The following PLCH2 variants were observed in gnomAD, a reference collection of about 807,000 sequenced individuals.
PLCH2 encodes the protein phospholipase C eta 2, also known as 1-phosphatidylinositol 4,5-bisphosphate phosphodiesterase eta-2.
PLCH2 carries 98 observed loss-of-function variants against 134.7 expected under a neutral mutation model. The observed-to-expected ratio is 0.73, with a 90% CI of 0.62 to 0.86. The LOEUF is 0.86. Among genes scored for constraint, PLCH2 ranks in the 40% least tolerant of loss-of-function variants. The probability of loss-of-function intolerance (pLI) is 0.00; values close to 1 mark genes in which losing one functional copy is unlikely to be tolerated. For missense variants in PLCH2, 1,994 were observed against 1,986.6 expected, an observed-to-expected ratio of 1.00 and a Z score of -0.07; for synonymous variants, 974 against 827.5, an observed-to-expected ratio of 1.18 and a Z score of -3.04.
rs201561898 is a variant in PLCH2, at chr1:2,489,768, G to A, written c.1416G>A (p.Lys472=). 420 of 1,613,184 alleles carry A rather than the reference G, an allele frequency of 2.6e-4. No individual in the cohort carries two copies. The highest frequency in any genetic ancestry group is 3.3e-4 in the Non-Finnish European group (393 of 1,179,352). The change falls in exon 10 of 22, where the codon AAG becomes AAA. Residue 472 remains lysine (K), a synonymous_variant. Coordinates refer to ENST00000378486, the MANE Select transcript of PLCH2 (RefSeq NM_014638.4). ...LKGKILVKGK[K]LPANISEDAE... is the part of the protein sequence containing the mutation. The stretch of plus-strand genomic sequence containing the variant: ...TGCACCTCCTCCCCCAGGGGAAGAA[G>A]CTCCCAGCCAACATCAGCGAGGATG...
chr1:2,421,264 T>A (rs567965363), upstream of PLCH2, among the ~76,000 whole-genome samples: 2 of 152,230 alleles, frequency 1.3e-5, no homozygotes, highest in African/African-American at 4.8e-5. Context: ...TTAGCAGCTG[T>A]TGAGAAGCCC....
intron 21 of PLCH2, 173 bp downstream of exon 21, chr1:2,502,582 G>A: frequency 2.6e-6 from 2 of 759,282 alleles, no homozygotes; most frequent in Non-Finnish European, 2.3e-6. Flanking sequence ...CCAGCCCGGG[G>A]CCTGCAAGCA....
chr1:2,479,755 A>C lies in PLCH2; in HGVS notation c.293A>C (p.Glu98Ala). ...GCAGTCTCCATCGACTCCATCCAGG[A>C]GGTGAGTGAGGGGCGGCAGTCGGAG... The part of the protein sequence containing the change: ...KAKISIDSIQ[E>A]VSEGRQSEVF... Residue 98 changes from glutamate (E) to alanine (A), a missense_variant, in exon 3 of 22, where the codon GAG becomes GCG. By Grantham distance (107) the Glu-to-Ala change is moderately radical (BLOSUM62 -1). Coordinates refer to ENST00000378486, the MANE Select transcript of PLCH2 (RefSeq NM_014638.4). 1 of 1,547,582 alleles carries C rather than the reference A, an allele frequency of 6.5e-7. No homozygotes were observed.
Position 2,499,668 on chromosome 1 carries a change from T to A in PLCH2, c.2609T>A (p.Met870Lys), listed in dbSNP as rs755082870. The change falls in exon 20 of 22, where the codon ATG (methionine) becomes AAG (lysine). Residue 870 changes from methionine (M) to lysine (K), a missense_variant. By Grantham distance (95) the Met-to-Lys change is moderately conservative (BLOSUM62 -1). This residue lies in a region of PLCH2 where 1,094 missense variants were observed against 1,234.3 expected (regional missense o/e 0.89). Transcript: ENST00000378486. ...PGYRHVYLEG[M>K]EEASIFVHVA... The stretch of plus-strand genomic sequence containing the variant: ...TACAGACACGTGTACCTAGAAGGGA[T>A]GGAAGAGGCCTCCATCTTCGTGCAT... 6.2e-7 allele frequency: 1 copy of A among 1,602,172 alleles called. No homozygotes were observed. The highest frequency in any genetic ancestry group is 2.3e-5 in the East Asian group (1 of 44,400).
intron 11 of PLCH2, chr1:2,493,482 A>C (rs1213025365): frequency 2.6e-5 from 4 of 152,212 alleles, no homozygotes; most frequent in Admixed American, 2.6e-4. Context: ...GACCTGGACA[A>C]CCTGGGAGCC....
upstream of PLCH2, chr1:2,467,425 C>A (rs34349643): frequency 1.3e-5 from 5 of 378,236 alleles, no homozygotes; most frequent in African/African-American, 4.7e-5. Flanking sequence ...GCGGCGGCCC[C>A]GTCCCGCCTT....
In PLCH2 at chr1:2,439,971, C is replaced by A. The variant is rs966862417; in HGVS notation, c.115+9342C>A. 3.3e-5 allele frequency among the ~76,000 whole-genome samples: 5 copies of A among 152,028 alleles called. No individual in the cohort carries two copies. Among genetic ancestry groups the A allele is most frequent in the African/African-American group, 1.2e-4 (5 of 41,396 alleles). On this transcript the variant is annotated intron_variant, in intron 2 of 3. Transcript: ENST00000609981. The surrounding 1 kb of genome is among the most constrained non-coding windows in gnomAD (Gnocchi z 4.7). ...GGGACAAGGCAACCAGGGAGGCTTC[C>A]CAGAGGAGGTGCCTCGTTCCTGACC...
In PLCH2 at chr1:2,490,680, C is replaced by T. The variant is rs561460325; in HGVS notation, c.1516-512C>T. ...GCGGCACACGCCTCTGTGTGGCCCA[C>T]GTGATGGCAAAGGCAGCTCCACGGT... is the stretch of plus-strand genomic sequence containing the variant. On this transcript the variant is annotated intron_variant, in intron 10 of 21. Coordinates refer to ENST00000378486, the MANE Select transcript of PLCH2 (RefSeq NM_014638.4). Among the ~76,000 whole-genome samples the T allele has an allele frequency of 3.9e-5, 6 of 152,380 alleles. No homozygotes were observed. In the South Asian group the frequency reaches 8.3e-4, roughly 21 times the overall value.
At chr1:2,458,980 C>T (rs1323445647) in intron 2 of PLCH2, among the ~76,000 whole-genome samples, 1 of 152,264 alleles carries the variant, frequency 6.6e-6, no homozygotes, top group African/African-American at 2.4e-5. Context: ...GCCGGTCTTG[C>T]AGCGTGGCTG....
In PLCH2 at chr1:2,489,776, C is replaced by G; in HGVS notation, c.1424C>G (p.Ala475Gly). Residue 475 changes from alanine (A) to glycine (G), a missense_variant, in exon 10 of 22, where the codon GCC (alanine) becomes GGC (glycine). This residue lies in a region of PLCH2 where 1,094 missense variants were observed against 1,234.3 expected (regional missense o/e 0.89). Coordinates refer to ENST00000378486, the MANE Select transcript of PLCH2 (RefSeq NM_014638.4). ...KILVKGKKLP[A>G]NISEDAEEGE... ...CTCCCCCAGGGGAAGAAGCTCCCAG[C>G]CAACATCAGCGAGGATGCGGAGGAA... is the stretch of plus-strand genomic sequence containing the variant. 2 of 1,613,524 alleles carry G rather than the reference C, an allele frequency of 1.2e-6. No homozygotes were observed. The highest frequency in any genetic ancestry group is 1.7e-6 in the Non-Finnish European group (2 of 1,179,660).
chr1:2,416,964 A>G, the PLCH2 span, among the ~76,000 whole-genome samples: 2 of 152,094 alleles, frequency 1.3e-5, no homozygotes, highest in Admixed American at 1.3e-4. Context: ...GGCTGCTCTT[A>G]GGACCTTGAG....
chr1:2,479,717 C>T lies in PLCH2; in HGVS notation c.272-17C>T, dbSNP rs979815604. On this transcript the variant is annotated splice_polypyrimidine_tract_variant and intron_variant, in intron 2 of 21. Coordinates refer to ENST00000378486, the MANE Select transcript of PLCH2 (RefSeq NM_014638.4). ...GGCCCCCGGGGACCTGACCCGTGCTCCCTCCCCACCCCGCAGTCTCCATCG... is the reference window on the plus strand; with the variant it reads ...GGCCCCCGGGGACCTGACCCGTGCTTCCTCCCCACCCCGCAGTCTCCATCG... The T allele has an allele frequency of 3.5e-5, 53 of 1,526,590 alleles. No individual in the cohort carries two copies. The East Asian group carries it at 8.9e-4, about 26-fold the overall frequency. 94.6% of individuals were successfully genotyped at this position (1,526,590 alleles called of 1,614,324 possible). A position where few individuals can be genotyped will look rare whatever the true frequency, so the allele number is the denominator to read the frequency against.
intron 20 of PLCH2, 49 bp downstream of exon 20, chr1:2,499,769 G>A: frequency 1.4e-6 from 2 of 1,404,216 alleles, no homozygotes; most frequent in South Asian, 1.2e-5. Flanking sequence ...GGCCACACCA[G>A]CCCCTTGTCC....
intron 2 of PLCH2, among the ~76,000 whole-genome samples, chr1:2,461,511 G>A (rs1640799906): frequency 6.6e-6 from 1 of 152,148 alleles, no homozygotes; most frequent in Admixed American, 6.5e-5. Flanking sequence ...ATGATTCAGG[G>A]CAGAGCCTTC....
At chr1:2,492,033 G>A (rs1209465127) in intron 11 of PLCH2, among the ~76,000 whole-genome samples, 5 of 152,228 alleles carry the variant, frequency 3.3e-5, no homozygotes, top group South Asian at 2.1e-4. Flanking sequence ...GCTGGTGGGC[G>A]CCCATGCTGG....
intron 2 of PLCH2, among the ~76,000 whole-genome samples, chr1:2,461,573 C>G (rs901250707): frequency 1.3e-5 from 2 of 152,160 alleles, no homozygotes; most frequent in African/African-American, 4.8e-5. Flanking sequence ...TGCTGGGTTA[C>G]CCAGCCCTGG....
chr1:2,502,974 C>G (rs1216067386), intron 21 of PLCH2: 2 of 716,796 alleles, frequency 2.8e-6, no homozygotes, highest in Non-Finnish European at 5.2e-6. Flanking sequence ...CCTGGGTCAC[C>G]TGCTGCTGCT....
At chr1:2,416,569 C>T in the PLCH2 span, among the ~76,000 whole-genome samples, 13 of 151,966 alleles carry the variant, frequency 8.6e-5, no homozygotes, top group South Asian at 2.1e-4. Flanking sequence ...GGGCAGCGGG[C>T]GGCACTGGGC....
intron 2 of PLCH2, among the ~76,000 whole-genome samples, chr1:2,452,823 C>G (rs115326034): frequency 6.6e-6 from 1 of 152,216 alleles, no homozygotes; most frequent in Non-Finnish European, 1.5e-5. Flanking sequence ...GGCCTGGCCC[C>G]GGGTGCAGCA....
Sources: allele counts gnomAD v4.1 joint callset (sites outside exome capture counted in the v4.1 genomes callset), GRCh38; gene constraint gnomAD v4.1.1; regional missense constraint gnomAD v4.1.1; non-coding constraint Gnocchi (gnomAD v3.1); transcripts MANE v1.5; gene names NCBI Gene and HGNC (gene_info 2026-07-23, HGNC 2026-07-21).